ZNF236: variants seen among roughly 807,000 people sequenced by gnomAD.
The protein encoded by ZNF236 is regulated by glucose.
ZNF236 carries 50 observed loss-of-function variants against 191.2 expected under a neutral mutation model. The ratio of observed to expected loss-of-function variants is 0.26; its 90% CI spans 0.21 to 0.33. The LOEUF (loss-of-function observed/expected upper bound fraction) is 0.33. Ranked by LOEUF, ZNF236 falls within the 10% of genes least tolerant of loss-of-function variation. The pLI is 1.00. For missense variants in ZNF236, 1,754 were observed against 2,374.5 expected (o/e 0.74, Z 5.43); for synonymous variants, 907 against 928.8 (o/e 0.98, Z 0.43).
chr18:76,892,437 A>G (rs1977275880), intron 9 of ZNF236, among the ~76,000 whole-genome samples: 1 of 150,274 alleles, frequency 6.7e-6, no homozygotes, highest in African/African-American at 2.4e-5. Flanking sequence ...GTTGAATGTT[A>G]TATTGAGATA....
chr18:76,881,879 C>G (rs1399315563), intron 9 of ZNF236, among the ~76,000 whole-genome samples: 1 of 152,188 alleles, frequency 6.6e-6, no homozygotes, highest in Non-Finnish European at 1.5e-5. Context: ...TTCTTCTCAC[C>G]CTTGGTGCTT....
At chr18:76,942,219 A>C (rs759390307) in intron 26 of ZNF236, among the ~76,000 whole-genome samples, 11 of 152,336 alleles carry the variant, frequency 7.2e-5, no homozygotes, top group Middle Eastern at 3.4e-3. Context: ...GACTAATAGC[A>C]CGGGGAAGAG....
At chr18:76,921,965 G>A (rs112316616) in intron 20 of ZNF236, among the ~76,000 whole-genome samples, 2,888 of 152,194 alleles carry the variant, frequency 0.019, 67 homozygotes, top group African/African-American at 0.057. Flanking sequence ...CTGCTCCCCA[G>A]AGATAAGCAC....
At chr18:76,966,096 G>T (rs1244267948) in intron 30 of ZNF236, among the ~76,000 whole-genome samples, 1 of 152,136 alleles carries the variant, frequency 6.6e-6, no homozygotes, top group Non-Finnish European at 1.5e-5. Context: ...GGTCCTGCAG[G>T]AGCAATCCAC....
At position 76,959,714 on chromosome 18, in the gene ZNF236, C is replaced by A; in HGVS notation, c.5140C>A (p.Pro1714Thr). 6.2e-7 allele frequency: 1 copy of A among 1,613,648 alleles called. No individual in the cohort carries two copies. The change falls in exon 29 of 31, where the codon CCC (proline) becomes ACC (threonine). Residue 1714 changes from proline (P) to threonine (T), a missense_variant. Physicochemically the swap from Pro to Thr is conservative, Grantham distance 38. This residue lies in a region of ZNF236 where 606 missense variants were observed against 761.5 expected (regional missense o/e 0.80). Coordinates refer to ENST00000320610, the MANE Select transcript of ZNF236 (RefSeq NM_001306089.2). ...GCACATGCAGACACACCAGGCCGGCCCCTCTTTGAGCTCCCAGAAGCCAAG... is the reference window on the plus strand; with the variant it reads ...GCACATGCAGACACACCAGGCCGGCACCTCTTTGAGCTCCCAGAAGCCAAG... ...KEHMQTHQAG[P>T]SLSSQKPRVF... is the part of the protein sequence containing the mutation.
chr18:76,958,146 C>CT (rs1269633947), intron 28 of ZNF236, among the ~76,000 whole-genome samples: 1 of 152,198 alleles, frequency 6.6e-6, no homozygotes, highest in African/African-American at 2.4e-5. Flanking sequence ...TCACTTGTCG[C>CT]TTGTAGCAGA....
chr18:76,831,592 T>C (rs546580889), intron 1 of ZNF236, among the ~76,000 whole-genome samples: 2 of 152,326 alleles, frequency 1.3e-5, no homozygotes, highest in Admixed American at 1.3e-4. Flanking sequence ...AAACTATGTT[T>C]AGTTTTTTCT....
chr18:76,948,077 T>C (rs778831186), intron 27 of ZNF236, among the ~76,000 whole-genome samples: 8 of 152,174 alleles, frequency 5.3e-5, no homozygotes, highest in Non-Finnish European at 8.8e-5. Context: ...TACGTGTGTG[T>C]GCGCGCGCGT....
chr18:76,922,999 A>G, intron 20 of ZNF236, 72 bp from the exon 21 acceptor site: 1 of 1,190,840 alleles, frequency 8.4e-7, no homozygotes, highest in South Asian at 1.3e-5. Flanking sequence ...CCTAATTTTA[A>G]TTTATATAGT....
At position 76,824,256 on chromosome 18, in the gene ZNF236, C is replaced by T. The variant is rs534445138; in HGVS notation, c.55+1594C>T. 5.2e-6 allele frequency: 4 copies of T among 775,882 alleles called. No individual in the cohort carries two copies. In the African/African-American group the frequency reaches 6.8e-5, roughly 13 times the overall value. 48.1% of individuals were successfully genotyped at this position (775,882 alleles called of 1,614,324 possible). ...AAACTTATTCATAGGCCACACCAAA[C>T]CAGGAATTCTTGTCGTGATTGCACT... On this transcript the variant is annotated intron_variant, in intron 1 of 30. Coordinates refer to ENST00000320610, the MANE Select transcript of ZNF236 (RefSeq NM_001306089.2).
At position 76,968,556 on chromosome 18, in the gene ZNF236, C is replaced by G. The variant is rs979644979; in HGVS notation, c.*217C>G. 8.3e-6 allele frequency: 11 copies of G among 1,323,664 alleles called. No individual in the cohort carries two copies. Among genetic ancestry groups the G allele is most frequent in the South Asian group, 1.8e-5 (1 of 56,074 alleles). 82.0% of individuals were successfully genotyped at this position (1,323,664 alleles called of 1,614,324 possible). A position where few individuals can be genotyped will look rare whatever the true frequency, so the allele number is the denominator to read the frequency against. ...ATTGTTCTCTTTTGTCTACAAATCACTGAACTCAGGTACTACTGTAGGCAG... is the reference window on the plus strand; with the variant it reads ...ATTGTTCTCTTTTGTCTACAAATCAGTGAACTCAGGTACTACTGTAGGCAG... On this transcript the variant is annotated 3_prime_UTR_variant, in exon 31 of 31. Transcript: ENST00000320610.
intron 3 of ZNF236, among the ~76,000 whole-genome samples, chr18:76,866,756 C>T (rs1568202851): frequency 2.0e-5 from 3 of 152,142 alleles, no homozygotes. Flanking sequence ...TCCTAGTGGC[C>T]TGTGACTATA....
chr18:76,881,243 C>A, intron 8 of ZNF236, 41 bp from the exon 9 acceptor site: 1 of 1,561,114 alleles, frequency 6.4e-7, no homozygotes, highest in Non-Finnish European at 8.7e-7. Context: ...CAGAGTTGGG[C>A]CATCGTTACC....
At chr18:76,829,926 A>C (rs1309115763) in intron 1 of ZNF236, among the ~76,000 whole-genome samples, 1 of 152,118 alleles carries the variant, frequency 6.6e-6, no homozygotes, top group Non-Finnish European at 1.5e-5. Context: ...GCTGGAGTTC[A>C]GTGGTGCGAT....
intron 2 of ZNF236, among the ~76,000 whole-genome samples, chr18:76,850,425 C>G (rs1424497532): frequency 6.6e-6 from 1 of 151,980 alleles, no homozygotes; most frequent in Non-Finnish European, 1.5e-5. Context: ...TTCTCAGGTT[C>G]GACAATCTGA....
rs190039167 is a variant in ZNF236, at chr18:76,875,610, C to T, written c.786C>T (p.Ala262=). Residue 262 remains alanine (A), a synonymous_variant, in exon 6 of 31, where the codon GCC becomes GCT. Transcript: ENST00000320610. This position sits in a 1 kb window ranked among gnomAD's most constrained non-coding sequence, Gnocchi z 4.3. ...CCCATGCCTGTGCCTTCTGTCCTGCCGCCTTCTCTCAGAAAGGGAATCTTC... is the reference window on the plus strand; with the variant it reads ...CCCATGCCTGTGCCTTCTGTCCTGCTGCCTTCTCTCAGAAAGGGAATCTTC... The part of the protein sequence containing the change: ...EKPHACAFCP[A]AFSQKGNLQS... 23 of 1,602,036 alleles carry T rather than the reference C, an allele frequency of 1.4e-5. No homozygotes were observed. The Admixed American group carries it at 1.7e-4, about 12-fold the overall frequency.
rs751831723 is a variant in ZNF236, at chr18:76,849,547, C to T, written c.77C>T (p.Ala26Val). The change falls in exon 2 of 31, where the codon GCG becomes GTG. Residue 26 changes from alanine (A) to valine (V), a missense_variant. By Grantham distance (64) the Ala-to-Val change is moderately conservative (BLOSUM62 0). Around this residue, in one of 5 missense-constraint regions of ZNF236, gnomAD observed 336 missense variants for 495.1 expected, o/e 0.68. Transcript: ENST00000320610. ...ATAGATGGAGTTTTAACATTGAATGCGGAGAACACTAATTATGCCTATCAA... is the reference window on the plus strand; with the variant it reads ...ATAGATGGAGTTTTAACATTGAATGTGGAGAACACTAATTATGCCTATCAA... The part of the protein sequence containing the change: ...GDSDGVLTLN[A>V]ENTNYAYQVP... 26 of 1,609,480 alleles carry T rather than the reference C, an allele frequency of 1.6e-5. No individual in the cohort carries two copies. The highest frequency in any genetic ancestry group is 1.8e-5 in the Non-Finnish European group (21 of 1,178,444).
intron 9 of ZNF236, among the ~76,000 whole-genome samples, chr18:76,894,099 A>T (rs956232950): frequency 6.6e-6 from 1 of 152,214 alleles, no homozygotes; most frequent in African/African-American, 2.4e-5. Context: ...TGTAGATGCT[A>T]CCTTAATTTC....
At chr18:76,905,769 ACC>A (rs1192915997) in intron 13 of ZNF236, among the ~76,000 whole-genome samples, 1 of 152,166 alleles carries the variant, frequency 6.6e-6, no homozygotes, top group Non-Finnish European at 1.5e-5. Context: ...AATCTTAAAG[ACC>A]CTGTGATTTC....
Sources: allele counts gnomAD v4.1 joint callset (sites outside exome capture counted in the v4.1 genomes callset), GRCh38; gene constraint gnomAD v4.1.1; regional missense constraint gnomAD v4.1.1; non-coding constraint Gnocchi (gnomAD v3.1); transcripts MANE v1.5; gene names NCBI Gene and HGNC (gene_info 2026-07-23, HGNC 2026-07-21).